The following DENND1B variants were observed in gnomAD, a reference collection of about 807,000 sequenced individuals.
DENND1B encodes DENN domain containing 1B.
Under a neutral mutation model 90.1 loss-of-function variants are expected in DENND1B, and 59 were observed. That is an observed-to-expected ratio of 0.65 (90% CI 0.53 to 0.81). The LOEUF (loss-of-function observed/expected upper bound fraction) is 0.81, where lower values mean the gene tolerates loss of function less well. Among genes scored for constraint, DENND1B ranks in the 40% least tolerant of loss-of-function variants. DENND1B has a pLI of 0.00. For synonymous variants in DENND1B, 337 were observed against 324.6 expected, an observed-to-expected ratio of 1.04 and a Z score of -0.41; for missense variants, 862 against 912.6, an observed-to-expected ratio of 0.94 and a Z score of 0.71.
chr1:197,671,622 C>T (rs1468397998), intron 5 of DENND1B, among the ~76,000 whole-genome samples: 8 of 152,128 alleles, frequency 5.3e-5, no homozygotes, highest in South Asian at 2.1e-4. Context: ...AACCTCTAAA[C>T]GCTTCTACCA....
chr1:197,714,461 A>T (rs1660434373), intron 3 of DENND1B, among the ~76,000 whole-genome samples: 3 of 152,146 alleles, frequency 2.0e-5, no homozygotes, highest in Admixed American at 2.0e-4. Flanking sequence ...GAGGAACTAC[A>T]GAAGACTATA....
At chr1:197,733,654 G>A (rs907258783) in intron 2 of DENND1B, among the ~76,000 whole-genome samples, 2 of 152,146 alleles carry the variant, frequency 1.3e-5, no homozygotes, top group African/African-American at 2.4e-5. Flanking sequence ...GAGGCCCCAC[G>A]AAAGCCTGGC....
At chr1:197,671,646 G>A (rs955785107) in intron 5 of DENND1B, among the ~76,000 whole-genome samples, 1 of 152,088 alleles carries the variant, frequency 6.6e-6, no homozygotes, top group African/African-American at 2.4e-5. Context: ...TCATCAGTTT[G>A]CAACCTCTGT....
At chr1:197,648,443 T>C (rs1441660352) in intron 7 of DENND1B, among the ~76,000 whole-genome samples, 1 of 152,188 alleles carries the variant, frequency 6.6e-6, no homozygotes, top group Non-Finnish European at 1.5e-5. Context: ...GCTGGTTTTT[T>C]TGAGATGTAC....
intron 2 of DENND1B, among the ~76,000 whole-genome samples, chr1:197,759,742 C>CAAAAAAAAAAA (rs1196523150): frequency 2.6e-5 from 1 of 38,156 alleles, no homozygotes; most frequent in African/African-American, 1.1e-4. Flanking sequence ...GACTCCGTCT[C>CAAAAAAAAAAA]AAAAAAAAAA....
Position 197,652,451 on chromosome 1 carries a change from T to A in DENND1B, c.367-136A>T, listed in dbSNP as rs1653336619. 1.6e-5 allele frequency: 10 copies of A among 610,922 alleles called. No individual in the cohort carries two copies. The South Asian group carries it at 2.9e-4, about 17-fold the overall frequency. 37.8% of individuals were successfully genotyped at this position (610,922 alleles called of 1,614,324 possible). Reference sequence around the variant, plus strand: ...ATATAAATGTTTTCCACAGAAACATTTCAAATACCTGAAATTCAAATATTT... The same window carrying A: ...ATATAAATGTTTTCCACAGAAACATATCAAATACCTGAAATTCAAATATTT... On this transcript the variant is annotated intron_variant, in intron 6 of 22. Coordinates refer to ENST00000620048, the MANE Select transcript of DENND1B (RefSeq NM_001195215.2).
At chr1:197,624,842 G>A (rs1465173803) in intron 10 of DENND1B, among the ~76,000 whole-genome samples, 4 of 151,804 alleles carry the variant, frequency 2.6e-5, no homozygotes, top group Non-Finnish European at 4.4e-5. Flanking sequence ...GGAGCTGAAA[G>A]CCAAGGCTCG....
At chr1:197,654,438 C>T (rs1480649205) in intron 6 of DENND1B, among the ~76,000 whole-genome samples, 13 of 151,892 alleles carry the variant, frequency 8.6e-5, no homozygotes, top group African/African-American at 2.4e-4. Flanking sequence ...AGTGAAACCG[C>T]GTCTCTACTA....
chr1:197,647,967 TA>T (rs1680883668), intron 7 of DENND1B, among the ~76,000 whole-genome samples: 1 of 150,352 alleles, frequency 6.7e-6, no homozygotes, highest in Non-Finnish European at 1.5e-5. Flanking sequence ...AAAAAAAAGA[TA>T]TTATAACTTT....
intron 10 of DENND1B, among the ~76,000 whole-genome samples, chr1:197,622,349 C>T (rs974813373): frequency 6.6e-5 from 10 of 151,320 alleles, no homozygotes; most frequent in Non-Finnish European, 1.0e-4. Context: ...CAACTGCCCA[C>T]GATCACAGAG....
intron 10 of DENND1B, among the ~76,000 whole-genome samples, chr1:197,619,753 T>C (rs546714489): frequency 8.6e-5 from 13 of 151,414 alleles, no homozygotes; most frequent in South Asian, 2.1e-4. Context: ...TTATTAGTTA[T>C]TCGCTAACAA....
intron 10 of DENND1B, among the ~76,000 whole-genome samples, chr1:197,639,341 G>A (rs2125913184): frequency 6.6e-6 from 1 of 152,264 alleles, no homozygotes; most frequent in East Asian, 1.9e-4. Flanking sequence ...TGGGATTACA[G>A]GCGTGAGCCA....
chr1:197,749,273 A>ATGTATATAATAAATTTATG (rs1653131386), intron 2 of DENND1B, among the ~76,000 whole-genome samples: 2 of 152,158 alleles, frequency 1.3e-5, no homozygotes, highest in Non-Finnish European at 2.9e-5. Flanking sequence ...GTATGTACAT[A>ATGTATATAATAAATTTATG]TATATAAATT....
In DENND1B at chr1:197,510,621, A is replaced by T. The variant is rs757003485; in HGVS notation, c.2167T>A (p.Ser723Thr). The change falls in exon 23 of 23, where the codon TCA becomes ACA. Residue 723 changes from serine to threonine, a missense_variant. Coordinates refer to ENST00000620048, the MANE Select transcript of DENND1B (RefSeq NM_001195215.2). ...TTCTCCCAAGGAACAAAAGTCGATG[A>T]ATGCCGCCCAAGACCGGGTATAAGC... The part of the protein sequence containing the change: ...DLLIPGLGRH[S>T]STFVPWEKEG... 1 of 1,612,850 alleles carries T rather than the reference A, an allele frequency of 6.2e-7. No individual in the cohort carries two copies. Among genetic ancestry groups the T allele is most frequent in the Non-Finnish European group, 8.5e-7 (1 of 1,179,242 alleles).
intron 12 of DENND1B, 125 bp downstream of exon 12, chr1:197,611,806 T>A: frequency 1.4e-6 from 1 of 715,946 alleles, no homozygotes; most frequent in South Asian, 2.0e-5. Flanking sequence ...ATGATAAGCA[T>A]ACTCTAAATA....
intron 14 of DENND1B, among the ~76,000 whole-genome samples, chr1:197,586,889 A>G (rs1475341851): frequency 6.6e-6 from 1 of 152,156 alleles, no homozygotes; most frequent in East Asian, 1.9e-4. Flanking sequence ...CTTATATCCC[A>G]TATAAGAAGT....
chr1:197,677,033 T>A (rs1469074195), intron 3 of DENND1B, among the ~76,000 whole-genome samples: 1 of 152,146 alleles, frequency 6.6e-6, no homozygotes, highest in African/African-American at 2.4e-5. Flanking sequence ...CGTTTACATC[T>A]TGATCAAAGT....
chr1:197,744,269 C>T (rs1663495608), intron 2 of DENND1B, among the ~76,000 whole-genome samples: 1 of 152,122 alleles, frequency 6.6e-6, no homozygotes, highest in Non-Finnish European at 1.5e-5. Flanking sequence ...TGTGCTTTGC[C>T]AAGATCCATC....
intron 15 of DENND1B, among the ~76,000 whole-genome samples, chr1:197,554,106 C>T (rs1571855919): frequency 4.3e-5 from 1 of 23,144 alleles, no homozygotes; most frequent in African/African-American, 9.5e-5. Context: ...ATTATACACA[C>T]ACACACACAC....
Sources: gnomAD v4.1 joint callset for allele counts (sites outside exome capture counted in the v4.1 genomes callset) on GRCh38, gnomAD v4.1.1 for gene constraint, MANE v1.5 for transcripts, NCBI Gene and HGNC (gene_info 2026-07-23, HGNC 2026-07-21) for gene names.